The following CACNA1H variants were observed in gnomAD, a reference collection of about 807,000 sequenced individuals.
CACNA1H encodes voltage-dependent T-type calcium channel subunit alpha-1H.
A neutral mutation model predicts 192.5 loss-of-function variants in CACNA1H; 149 were observed. The ratio of observed to expected loss-of-function variants is 0.77; its 90% confidence interval spans 0.68 to 0.89. CACNA1H has a LOEUF of 0.89. Ranked by LOEUF, CACNA1H falls within the 40% of genes least tolerant of loss-of-function variation. CACNA1H has a pLI of 0.00. For synonymous variants in CACNA1H, 2,202 were observed against 1,475.2 expected, an observed-to-expected ratio of 1.49 and a Z score of -11.29; for missense variants, 4,257 against 3,423.5, an observed-to-expected ratio of 1.24 and a Z score of -6.08.
At chr16:1,188,111 G>A (rs953715821) in intron 2 of CACNA1H, among the ~76,000 whole-genome samples, 1 of 152,244 alleles carries the variant, frequency 6.6e-6, no homozygotes. Flanking sequence ...ACAGGTGGAG[G>A]TAGAATTGGG....
chr16:1,214,913 C>T, intron 27 of CACNA1H, 59 bp from the exon 28 acceptor site: 1 of 1,316,950 alleles, frequency 7.6e-7, no homozygotes, highest in South Asian at 1.3e-5. Flanking sequence ...AGAGTGGGAG[C>T]CAGGGGGAAG....
intron 2 of CACNA1H, among the ~76,000 whole-genome samples, chr16:1,187,236 G>A (rs964469597): frequency 1.3e-5 from 2 of 152,248 alleles, no homozygotes. Flanking sequence ...GCGTGGGGCC[G>A]TGGGCAGAGC....
At chr16:1,170,112 C>T (rs544626484) in intron 2 of CACNA1H, among the ~76,000 whole-genome samples, 23 of 152,334 alleles carry the variant, frequency 1.5e-4, no homozygotes, top group African/African-American at 5.3e-4. Flanking sequence ...CTCCCAGCAG[C>T]TGGGGGGTGC....
Position 1,182,556 on chromosome 16 carries a change from G to C in CACNA1H, c.300-12416G>C, listed in dbSNP as rs550451866. Among the ~76,000 whole-genome samples, 206 of 152,252 alleles carry C rather than the reference G, an allele frequency of 1.4e-3. 2 individuals are homozygous for C. Among genetic ancestry groups the C allele is most frequent in the Admixed American group, 1.8e-3 (28 of 15,300 alleles). On this transcript the variant is annotated intron_variant, in intron 2 of 34. Transcript: ENST00000348261. ...CTGCCCGGGCTCCCCACCCCCAACT[G>C]CCCGTGTGAGTCACGCAAGTCCAGG...
chr16:1,193,426 A>T (rs1966788180), intron 2 of CACNA1H, among the ~76,000 whole-genome samples: 1 of 152,172 alleles, frequency 6.6e-6, no homozygotes, highest in Non-Finnish European at 1.5e-5. Flanking sequence ...TGACCAAGGC[A>T]CGCAAACCCC....
chr16:1,192,421 C>T (rs1322544473), intron 2 of CACNA1H, among the ~76,000 whole-genome samples: 2 of 152,276 alleles, frequency 1.3e-5, no homozygotes, highest in African/African-American at 4.8e-5. Context: ...CCATCCACTC[C>T]ACTCTGCTGG....
intron 6 of CACNA1H, among the ~76,000 whole-genome samples, chr16:1,199,855 G>T (rs372082990): frequency 1.3e-5 from 2 of 151,910 alleles, no homozygotes; most frequent in African/African-American, 2.4e-5. Flanking sequence ...CTTGCCCTTT[G>T]CCCCTCATCC....
chr16:1,203,733 C>T (rs1004384391), intron 9 of CACNA1H, among the ~76,000 whole-genome samples: 2 of 152,212 alleles, frequency 1.3e-5, no homozygotes, highest in Admixed American at 1.3e-4. Context: ...CCTGCGGTCT[C>T]TCTGTCTTCA....
chr16:1,164,020 G>A (rs992902215), intron 2 of CACNA1H, among the ~76,000 whole-genome samples: 6 of 152,202 alleles, frequency 3.9e-5, no homozygotes, highest in Non-Finnish European at 5.9e-5. Flanking sequence ...CGATGGGTGC[G>A]GCCTGTTGGT....
chr16:1,163,724 C>T (rs531970399), intron 2 of CACNA1H, among the ~76,000 whole-genome samples: 1 of 152,326 alleles, frequency 6.6e-6, no homozygotes, highest in African/African-American at 2.4e-5. Flanking sequence ...TAGGGTACTG[C>T]CTTGGCTGGT....
chr16:1,202,218 CG>C lies in CACNA1H; in HGVS notation c.1771del (p.Val591TrpfsTer21). 7.7e-6 allele frequency: 12 copies of C among 1,553,656 alleles called. No individual in the cohort carries two copies. The highest frequency in any genetic ancestry group is 1.0e-5 in the Non-Finnish European group (12 of 1,150,134). On this transcript the variant is annotated frameshift_variant, in exon 9 of 35. Coordinates refer to ENST00000348261, the MANE Select transcript of CACNA1H (RefSeq NM_021098.3). LOFTEE classifies it high-confidence loss of function. Reference sequence around the variant, plus strand: ...CATAGAGGGGCCGCAGGAGAGGGCCCGGGTGGCACATGCCGCAGCCACTGCC... The same window carrying C: ...CATAGAGGGGCCGCAGGAGAGGGCCCGGTGGCACATGCCGCAGCCACTGCC... ...CHIEGPQERA[R>X]VAHAAATAAA...
In CACNA1H at chr16:1,220,787, C is replaced by A. The variant is rs757900694; in HGVS notation, c.6855C>A (p.Ser2285Arg). 5 of 1,612,714 alleles carry A rather than the reference C, an allele frequency of 3.1e-6. No individual in the cohort carries two copies. Among genetic ancestry groups the A allele is most frequent in the Non-Finnish European group, 4.2e-6 (5 of 1,179,762 alleles). Residue 2285 changes from serine (S) to arginine (R), a missense_variant, in exon 35 of 35, where the codon AGC (serine) becomes AGA (arginine). By Grantham distance (110) the Ser-to-Arg change is moderately radical. Transcript: ENST00000348261. ...GTGGAGACCCTTTCTTGGACGGTAGCCACAGTGTGACCCCAGAATCCAGAG... is the reference window on the plus strand; with the variant it reads ...GTGGAGACCCTTTCTTGGACGGTAGACACAGTGTGACCCCAGAATCCAGAG... Reference protein sequence around the residue: ...VPSGDPFLDGSHSVTPESRAS... With the variant: ...VPSGDPFLDGRHSVTPESRAS...
intron 2 of CACNA1H, among the ~76,000 whole-genome samples, chr16:1,172,374 C>T (rs568752338): frequency 1.2e-4 from 18 of 152,294 alleles, no homozygotes; most frequent in African/African-American, 3.8e-4. Context: ...GCCCCTCTCA[C>T]GCCGTCCCTA....
In CACNA1H at chr16:1,201,908, G is replaced by C. The variant is rs764387055; in HGVS notation, c.1458G>C (p.Trp486Cys). Residue 486 changes from tryptophan to cysteine, a missense_variant, in exon 9 of 35, where the codon TGG becomes TGC. Trp to Cys is a radical substitution (Grantham distance 215). Coordinates refer to ENST00000348261, the MANE Select transcript of CACNA1H (RefSeq NM_021098.3). The stretch of plus-strand genomic sequence containing the variant: ...TCTACGCCCGCTGGCAGAGCCGCTG[G>C]CGCAAGAAGGTGGACCCCAGTGCTG... Reference protein sequence around the residue: ...LRLYARWQSRWRKKVDPSAVQ... With the variant: ...LRLYARWQSRCRKKVDPSAVQ... The C allele has an allele frequency of 1.3e-6, 2 of 1,550,380 alleles. No homozygotes were observed. Among genetic ancestry groups the C allele is most frequent in the Non-Finnish European group, 8.7e-7 (1 of 1,147,048 alleles).
chr16:1,197,018 C>G (rs1011249688), intron 5 of CACNA1H, among the ~76,000 whole-genome samples: 1 of 152,150 alleles, frequency 6.6e-6, no homozygotes, highest in Admixed American at 6.5e-5. Flanking sequence ...CAGGGCTTGA[C>G]CTGCAGCAAC....
chr16:1,166,363 G>C (rs916723841), intron 2 of CACNA1H, among the ~76,000 whole-genome samples: 1 of 152,176 alleles, frequency 6.6e-6, no homozygotes, highest in Non-Finnish European at 1.5e-5. Flanking sequence ...CCTGAATCCC[G>C]GCCCCTGCCT....
chr16:1,211,061 T>G (rs1444818303), intron 21 of CACNA1H, 90 bp downstream of exon 21: 1 of 1,555,932 alleles, frequency 6.4e-7, no homozygotes, highest in Admixed American at 1.7e-5. Context: ...TCCTGGGCTG[T>G]TCGCAGGCCG....
At chr16:1,210,296 C>T (rs1199243886) in intron 18 of CACNA1H, 74 bp from the exon 19 acceptor site, 11 of 1,359,304 alleles carry the variant, frequency 8.1e-6, no homozygotes, top group South Asian at 1.3e-5. Context: ...GTGGCCAGGG[C>T]TGTCCTGCAA....
chr16:1,187,389 C>CA (rs1427970053), intron 2 of CACNA1H, among the ~76,000 whole-genome samples: 6 of 152,330 alleles, frequency 3.9e-5, no homozygotes, highest in Non-Finnish European at 1.5e-5. Context: ...CTGTGCCCTG[C>CA]AAGGCATGGG....
Sources: gnomAD v4.1 joint callset for allele counts (sites outside exome capture counted in the v4.1 genomes callset) on GRCh38, gnomAD v4.1.1 for gene constraint, MANE v1.5 for transcripts, NCBI Gene and HGNC (gene_info 2026-07-23, HGNC 2026-07-21) for gene names.